Variants in KIAA0232 observed in about 807,000 individuals in gnomAD.
KIAA0232 encodes the protein uncharacterized protein KIAA0232.
Under a neutral mutation model 122.0 loss-of-function variants are expected in KIAA0232, and 27 were observed. The ratio of observed to expected loss-of-function variants is 0.22; its 90% confidence interval spans 0.16 to 0.31. The LOEUF is 0.31. Among genes scored for constraint, KIAA0232 ranks in the 10% least tolerant of loss-of-function variants. The probability of loss-of-function intolerance (pLI) is 1.00; values close to 1 mark genes in which losing one functional copy is unlikely to be tolerated. For synonymous variants in KIAA0232, 613 were observed against 587.6 expected, an observed-to-expected ratio of 1.04 and a Z score of -0.63; for missense variants, 1,551 against 1,634.2, an observed-to-expected ratio of 0.95 and a Z score of 0.88.
At position 6,861,189 on chromosome 4, in the gene KIAA0232, T is replaced by C. The variant is rs1354656937; in HGVS notation, c.807T>C (p.Ala269=). Residue 269 remains alanine (A), a synonymous_variant, in exon 7 of 10, where the codon GCT becomes GCC. Coordinates refer to ENST00000307659, the MANE Select transcript of KIAA0232 (RefSeq NM_014743.3). ...ATGGCACAATTGAAGAAAAGCCTGC[T>C]TTGTACAAAAAGCAAATCCGACATA... The part of the protein sequence containing the change: ...FSNGTIEEKP[A]LYKKQIRHKP... 4 of 1,614,050 alleles carry C rather than the reference T, an allele frequency of 2.5e-6. No homozygotes were observed. The African/African-American group carries it at 4.0e-5, about 16-fold the overall frequency.
intron 9 of KIAA0232, among the ~76,000 whole-genome samples, chr4:6,877,299 T>C (rs1721808050): frequency 6.6e-6 from 1 of 152,188 alleles, no homozygotes; most frequent in African/African-American, 2.4e-5. Context: ...TGTCTGCCTC[T>C]TCCACAAGCC....
At chr4:6,796,600 C>G (rs187894792) in intron 1 of KIAA0232, among the ~76,000 whole-genome samples, 3 of 152,284 alleles carry the variant, frequency 2.0e-5, no homozygotes, top group African/African-American at 7.2e-5. Context: ...TCTAACATAG[C>G]CTATCTGAGG....
chr4:6,822,975 G>T (rs1331321064), intron 2 of KIAA0232, among the ~76,000 whole-genome samples: 1 of 138,214 alleles, frequency 7.2e-6, no homozygotes, highest in African/African-American at 2.7e-5. Context: ...GCCCCTTCCT[G>T]TGTCCATGTG....
intron 2 of KIAA0232, among the ~76,000 whole-genome samples, chr4:6,817,718 C>T (rs1189034195): frequency 6.6e-6 from 1 of 152,054 alleles, no homozygotes; most frequent in Non-Finnish European, 1.5e-5. Context: ...CTCTCTATAT[C>T]CTTACTGGTT....
intron 6 of KIAA0232, among the ~76,000 whole-genome samples, chr4:6,860,432 C>T (rs1179786251): frequency 1.3e-5 from 2 of 152,168 alleles, no homozygotes; most frequent in African/African-American, 4.8e-5. Context: ...ATATTTTCAA[C>T]GCTCACAATA....
Position 6,863,642 on chromosome 4 carries a change from C to T in KIAA0232, c.3260C>T (p.Pro1087Leu). Reference protein sequence around the residue: ...CSDSDSEVFHPRICGVDRTQY... With the variant: ...CSDSDSEVFHLRICGVDRTQY... Reference sequence around the variant, plus strand: ...GATTCAGACAGTGAAGTGTTTCACCCCAGGATATGTGGTGTTGACAGAACA... The same window carrying T: ...GATTCAGACAGTGAAGTGTTTCACCTCAGGATATGTGGTGTTGACAGAACA... Residue 1087 changes from proline (P) to leucine (L), a missense_variant, in exon 7 of 10, where the codon CCC becomes CTC. By Grantham distance (98) the Pro-to-Leu change is moderately conservative (BLOSUM62 -3). This residue lies in a region of KIAA0232 where 1,108 missense variants were observed against 1,154.8 expected (regional missense o/e 0.96). Coordinates refer to ENST00000307659, the MANE Select transcript of KIAA0232 (RefSeq NM_014743.3). The T allele has an allele frequency of 6.2e-7, 1 of 1,614,140 alleles. No homozygotes were observed. Among genetic ancestry groups the T allele is most frequent in the Admixed American group, 1.7e-5 (1 of 60,010 alleles).
At chr4:6,796,458 C>A (rs1270824967) in intron 1 of KIAA0232, among the ~76,000 whole-genome samples, 1 of 152,060 alleles carries the variant, frequency 6.6e-6, no homozygotes, top group Non-Finnish European at 1.5e-5. Flanking sequence ...ACCAGGCTGG[C>A]CTCAAACTCC....
At chr4:6,793,094 C>G (rs1216063546) in intron 1 of KIAA0232, among the ~76,000 whole-genome samples, 1 of 152,074 alleles carries the variant, frequency 6.6e-6, no homozygotes. Flanking sequence ...AGTAAGAACC[C>G]CTCATCCTCT....
At chr4:6,797,733 T>C (rs1717191524) in intron 1 of KIAA0232, among the ~76,000 whole-genome samples, 1 of 132,120 alleles carries the variant, frequency 7.6e-6, no homozygotes, top group Non-Finnish European at 1.5e-5. Flanking sequence ...ACTACTGTGC[T>C]CCAGCTAGCC....
chr4:6,874,366 A>G (rs974325461), intron 8 of KIAA0232, among the ~76,000 whole-genome samples: 28 of 152,276 alleles, frequency 1.8e-4, no homozygotes, highest in African/African-American at 6.7e-4. Context: ...AGGGACAGGA[A>G]TGCATTGGGT....
intron 1 of KIAA0232, among the ~76,000 whole-genome samples, chr4:6,793,094 C>T (rs1216063546): frequency 1.1e-4 from 17 of 152,074 alleles, no homozygotes; most frequent in Non-Finnish European, 2.9e-5. Context: ...AGTAAGAACC[C>T]CTCATCCTCT....
chr4:6,841,937 T>C (rs1719683666), intron 3 of KIAA0232, 130 bp from the exon 4 acceptor site: 12 of 1,054,798 alleles, frequency 1.1e-5, no homozygotes, highest in Non-Finnish European at 1.5e-5. Context: ...GTCGCAGAAA[T>C]AGACAAGCCG....
intron 2 of KIAA0232, among the ~76,000 whole-genome samples, chr4:6,814,383 T>A (rs1718021598): frequency 6.6e-6 from 1 of 152,018 alleles, no homozygotes; most frequent in African/African-American, 2.4e-5. Flanking sequence ...TTGGTTGTTT[T>A]TTTTTTTTAA....
rs557484440 is a variant in KIAA0232, at chr4:6,862,274, A to G, written c.1892A>G (p.Asn631Ser). 6.2e-7 allele frequency: 1 copy of G among 1,614,186 alleles called. No individual in the cohort carries two copies. The highest frequency in any genetic ancestry group is 1.1e-5 in the South Asian group (1 of 91,080). Residue 631 changes from asparagine to serine, a missense_variant, in exon 7 of 10, where the codon AAT becomes AGT. Physicochemically the swap from Asn to Ser is conservative, Grantham distance 46. Transcript: ENST00000307659. Reference protein sequence around the residue: ...TVLNSHLLAGNQELFSDINEG... With the variant: ...TVLNSHLLAGSQELFSDINEG... ...CTCAATTCACACCTGCTTGCTGGCA[A>G]TCAAGAGCTCTTTTCAGATATTAAT...
chr4:6,844,253 T>G (rs1317569449), intron 4 of KIAA0232, among the ~76,000 whole-genome samples: 2 of 151,464 alleles, frequency 1.3e-5, no homozygotes, highest in African/African-American at 4.9e-5. Context: ...TTACCCATCG[T>G]TTTTATCTCC....
intron 1 of KIAA0232, among the ~76,000 whole-genome samples, chr4:6,797,939 T>C (rs1464366085): frequency 6.6e-6 from 1 of 151,374 alleles, no homozygotes; most frequent in Admixed American, 6.6e-5. Flanking sequence ...GCGCCTGTAG[T>C]CCCAGCTACT....
chr4:6,829,101 T>G (rs775928538), intron 3 of KIAA0232, among the ~76,000 whole-genome samples: 1 of 152,162 alleles, frequency 6.6e-6, no homozygotes, highest in Non-Finnish European at 1.5e-5. Flanking sequence ...ATGGACACTT[T>G]TGGAGAGTCC....
At chr4:6,815,215 A>T (rs1718062816) in intron 2 of KIAA0232, among the ~76,000 whole-genome samples, 1 of 152,208 alleles carries the variant, frequency 6.6e-6, no homozygotes, top group Non-Finnish European at 1.5e-5. Flanking sequence ...TCATCATGCC[A>T]GGTGAATAAA....
chr4:6,818,378 C>A (rs1366607246), intron 2 of KIAA0232, among the ~76,000 whole-genome samples: 1 of 135,044 alleles, frequency 7.4e-6, no homozygotes, highest in Non-Finnish European at 1.5e-5. Flanking sequence ...TGAGCCTGGG[C>A]AACAGAGCAA....
Sources: gnomAD v4.1 joint callset for allele counts (sites outside exome capture counted in the v4.1 genomes callset) on GRCh38, gnomAD v4.1.1 for gene constraint, gnomAD v4.1.1 regional missense constraint, MANE v1.5 for transcripts, NCBI Gene and HGNC (gene_info 2026-07-23, HGNC 2026-07-21) for gene names.